Variants in ACOT12 observed in about 807,000 individuals in gnomAD.
ACOT12 encodes the protein acyl-CoA thioesterase 12.
A neutral mutation model predicts 67.7 loss-of-function variants in ACOT12; 51 were observed. That is an observed-to-expected ratio of 0.75 (90% CI 0.60 to 0.95). ACOT12 has a LOEUF of 0.95. Ranked by LOEUF, ACOT12 falls within the 40% of genes least tolerant of loss-of-function variation. The pLI, the probability that ACOT12 is intolerant of heterozygous loss-of-function variation, is 0.00. For synonymous variants in ACOT12, 251 were observed against 244.6 expected (o/e 1.03, Z -0.24); for missense variants, 734 against 708.1 (o/e 1.04, Z -0.41).
chr5:81,342,283 AC>A (rs1410844598), intron 11 of ACOT12, among the ~76,000 whole-genome samples: 10 of 152,182 alleles, frequency 6.6e-5, no homozygotes, highest in Admixed American at 6.5e-4. Flanking sequence ...GAGCCAGCAC[AC>A]TCGACCAAAA....
intron 4 of ACOT12, among the ~76,000 whole-genome samples, chr5:81,361,077 C>CAAAAAAAAAAAAAAAAAAAAAAAAAAA (rs71000820): frequency 1.9e-4 from 10 of 52,632 alleles, no homozygotes; most frequent in Non-Finnish European, 2.4e-4. Context: ...GACTCCATCT[C>CAAAAAAAAAAAAAAAAAAAAAAAAAAA]AAAAAAAAAA....
the ACOT12 span, chr5:81,312,446 C>A: frequency 1.1e-6 from 1 of 872,750 alleles, no homozygotes; most frequent in Non-Finnish European, 1.8e-6. Context: ...TGTGATTATT[C>A]ATATCAAAAT....
At chr5:81,387,733 C>T (rs1287483487) in intron 1 of ACOT12, among the ~76,000 whole-genome samples, 1 of 151,966 alleles carries the variant, frequency 6.6e-6, no homozygotes, top group Non-Finnish European at 1.5e-5. Context: ...TTTGTGGAGA[C>T]AGGGTCTCAT....
rs566931600 is a variant in ACOT12 at position 81,369,782 on chromosome 5, T to C, written c.258+1968A>G. ...AGAAATGTAAAGGAGGTTTTATCTA[T>C]ATTTGGACTGTCTATCAGGAGAATG... On this transcript the variant is annotated intron_variant, in intron 3 of 14. Transcript: ENST00000307624. Among the ~76,000 whole-genome samples the C allele has an allele frequency of 2.0e-5, 3 of 152,320 alleles. No homozygotes were observed. In the East Asian group the frequency reaches 5.8e-4, roughly 29 times the overall value.
At chr5:81,343,049 G>A (rs1038252555) in intron 10 of ACOT12, among the ~76,000 whole-genome samples, 4 of 152,142 alleles carry the variant, frequency 2.6e-5, no homozygotes, top group African/African-American at 9.7e-5. Flanking sequence ...GGGTGTTGTA[G>A]TGCAAACTTG....
chr5:81,387,259 C>A (rs1344138236), intron 1 of ACOT12, among the ~76,000 whole-genome samples: 1 of 152,074 alleles, frequency 6.6e-6, no homozygotes, highest in Non-Finnish European at 1.5e-5. Context: ...CCTGCCTCAG[C>A]CTCCCAAAGT....
At chr5:81,387,384 C>T (rs1397233966) in intron 1 of ACOT12, among the ~76,000 whole-genome samples, 1 of 152,056 alleles carries the variant, frequency 6.6e-6, no homozygotes, top group Non-Finnish European at 1.5e-5. Context: ...ACTGCTGAAA[C>T]CTTGCAAATA....
intron 11 of ACOT12, 34 bp from the exon 12 acceptor site, chr5:81,335,935 A>G (rs1267561744): frequency 6.3e-7 from 1 of 1,584,308 alleles, no homozygotes; most frequent in Non-Finnish European, 8.6e-7. Context: ...ATTACGAAAG[A>G]AAACTGATGC....
chr5:81,316,746 A>T, the ACOT12 span, among the ~76,000 whole-genome samples: 1 of 152,140 alleles, frequency 6.6e-6, no homozygotes, highest in African/African-American at 2.4e-5. Context: ...TATTTTTGTC[A>T]TCCCAGTGGG....
At position 81,386,403 on chromosome 5, in the gene ACOT12, A is replaced by G. The variant is rs1760726060; in HGVS notation, c.128-577T>C. On this transcript the variant is annotated intron_variant, in intron 1 of 14. Coordinates refer to ENST00000307624, the MANE Select transcript of ACOT12 (RefSeq NM_130767.3). ...CAAATTTATGCCAAATTCAGTATAC[A>G]TTAATTACCTTGAAGGAGGAGTATT... Among the ~76,000 whole-genome samples, 4 of 152,342 alleles carry G rather than the reference A, an allele frequency of 2.6e-5. No individual in the cohort carries two copies. The East Asian group carries it at 5.8e-4, about 22-fold the overall frequency.
At chr5:81,349,029 T>C (rs1247604953) in intron 5 of ACOT12, among the ~76,000 whole-genome samples, 1 of 152,184 alleles carries the variant, frequency 6.6e-6, no homozygotes, top group Non-Finnish European at 1.5e-5. Context: ...CACATGCTAT[T>C]GTTGGGAAGG....
At chr5:81,343,037 C>T (rs1051467579) in intron 10 of ACOT12, among the ~76,000 whole-genome samples, 4 of 152,024 alleles carry the variant, frequency 2.6e-5, no homozygotes, top group African/African-American at 9.7e-5. Flanking sequence ...CAAAAATTAG[C>T]CGGGTGTTGT....
At chr5:81,379,335 TG>T (rs1353213213) in intron 2 of ACOT12, among the ~76,000 whole-genome samples, 2 of 35,148 alleles carry the variant, frequency 5.7e-5, no homozygotes, top group African/African-American at 2.3e-4. Flanking sequence ...TGTCAGGGGG[TG>T]GGGGGCTAGG....
the ACOT12 span, among the ~76,000 whole-genome samples, chr5:81,310,157 T>TAAAAAAAAAAAAAAAAAAAAAAAAA: frequency 4.8e-5 from 5 of 104,760 alleles, no homozygotes; most frequent in East Asian, 3.1e-4. Flanking sequence ...TGACTAGCTG[T>TAAAAAAAAAAAAAAAAAAAAAAAAA]AAAAAAAAAA....
intron 5 of ACOT12, among the ~76,000 whole-genome samples, chr5:81,349,081 AC>A (rs1423879750): frequency 6.6e-6 from 1 of 152,192 alleles, no homozygotes; most frequent in Non-Finnish European, 1.5e-5. Context: ...TCGTGGCTGT[AC>A]TGTCAGAGGC....
the ACOT12 span, among the ~76,000 whole-genome samples, chr5:81,323,201 T>G: frequency 6.6e-6 from 1 of 151,908 alleles, no homozygotes; most frequent in African/African-American, 2.4e-5. Flanking sequence ...TATCAGTCAG[T>G]TTCTGCTAAG....
At position 81,345,009 on chromosome 5, in the gene ACOT12, T is replaced by A; in HGVS notation, c.806A>T (p.Asp269Val). 1 of 1,613,908 alleles carries A rather than the reference T, an allele frequency of 6.2e-7. No individual in the cohort carries two copies. Among genetic ancestry groups the A allele is most frequent in the Non-Finnish European group, 8.5e-7 (1 of 1,179,960 alleles). Residue 269 changes from aspartate to valine, a missense_variant, in exon 8 of 15, where the codon GAC (aspartate) becomes GTC (valine). Coordinates refer to ENST00000307624, the MANE Select transcript of ACOT12 (RefSeq NM_130767.3). ...TCGGCCCTCGGCCCATTCCTGACAG[T>A]CAAAGGCCTCCACGCGAACTCCAAC... is the stretch of plus-strand genomic sequence containing the variant. Reference protein sequence around the residue: ...VEVGVRVEAFDCQEWAEGRGR... With the variant: ...VEVGVRVEAFVCQEWAEGRGR...
At chr5:81,313,855 C>T in the ACOT12 span, among the ~76,000 whole-genome samples, 1 of 152,176 alleles carries the variant, frequency 6.6e-6, no homozygotes, top group Non-Finnish European at 1.5e-5. Context: ...TGACAAAATA[C>T]TGCTCAGCAT....
chr5:81,366,271 A>G (rs750467366), intron 3 of ACOT12, among the ~76,000 whole-genome samples: 24 of 152,196 alleles, frequency 1.6e-4, no homozygotes, highest in Non-Finnish European at 3.5e-4. Context: ...AATATAACAA[A>G]AGCCAGCACT....
Sources: gnomAD v4.1 joint callset for allele counts (sites outside exome capture counted in the v4.1 genomes callset) on GRCh38, gnomAD v4.1.1 for gene constraint, MANE v1.5 for transcripts, NCBI Gene and HGNC (gene_info 2026-07-23, HGNC 2026-07-21) for gene names.